Variants in STK33 observed in about 807,000 individuals in gnomAD.
The protein encoded by STK33 is serine/threonine-protein kinase 33.
STK33 carries 52 observed loss-of-function variants against 58.0 expected under a neutral mutation model. The observed-to-expected ratio is 0.90, with a 90% confidence interval of 0.72 to 1.13. The LOEUF (loss-of-function observed/expected upper bound fraction) is 1.13. Ranked by LOEUF, STK33 falls within the 50% of genes most tolerant of loss-of-function variation. STK33 has a pLI of 0.00. For synonymous variants in STK33, 215 were observed against 200.1 expected (o/e 1.07, Z -0.63); for missense variants, 630 against 604.2 (o/e 1.04, Z -0.45).
At chr11:8,437,376 G>C (rs1028849769) in intron 12 of STK33, among the ~76,000 whole-genome samples, 1 of 152,142 alleles carries the variant, frequency 6.6e-6, no homozygotes, top group African/African-American at 2.4e-5. Flanking sequence ...ACAAATGTCA[G>C]CCATCCTCAT....
intron 14 of STK33, among the ~76,000 whole-genome samples, chr11:8,420,818 G>C (rs1941806785): frequency 6.6e-6 from 1 of 152,010 alleles, no homozygotes; most frequent in Non-Finnish European, 1.5e-5. Context: ...GCAACATAGG[G>C]ATACCCCTAC....
chr11:8,509,356 A>G (rs533003239), intron 1 of STK33, among the ~76,000 whole-genome samples: 2 of 152,292 alleles, frequency 1.3e-5, no homozygotes, highest in Admixed American at 6.5e-5. Context: ...AAAATTCCCA[A>G]TGAAATCAGC....
intron 11 of STK33, among the ~76,000 whole-genome samples, chr11:8,443,264 C>T (rs1308181290): frequency 1.3e-5 from 2 of 152,104 alleles, no homozygotes; most frequent in African/African-American, 4.8e-5. Context: ...ATTTAATAAG[C>T]ACACACAGAA....
the STK33 span, among the ~76,000 whole-genome samples, chr11:8,364,939 C>G: frequency 2.0e-5 from 3 of 151,358 alleles, no homozygotes; most frequent in Non-Finnish European, 4.4e-5. Context: ...ACCCCCCCCG[C>G]CCCGCCCAAG....
intron 7 of STK33, among the ~76,000 whole-genome samples, chr11:8,464,026 T>C (rs1286046153): frequency 1.3e-5 from 2 of 152,242 alleles, no homozygotes; most frequent in African/African-American, 4.8e-5. Context: ...CCATTTTGTT[T>C]TTTAAATGTG....
At chr11:8,572,216 T>A (rs1223483096) in intron 1 of STK33, among the ~76,000 whole-genome samples, 1 of 151,980 alleles carries the variant, frequency 6.6e-6, no homozygotes, top group African/African-American at 2.4e-5. Flanking sequence ...AGGAAAGATA[T>A]CTTAATACAC....
At chr11:8,462,299 A>G (rs1001646121) in intron 7 of STK33, among the ~76,000 whole-genome samples, 1 of 151,922 alleles carries the variant, frequency 6.6e-6, no homozygotes, top group Non-Finnish European at 1.5e-5. Context: ...GCATAATAAA[A>G]ACAAAATCTA....
chr11:8,506,617 C>CA (rs34867421), intron 1 of STK33, among the ~76,000 whole-genome samples: 35,142 of 151,694 alleles, frequency 0.23, 4,364 homozygotes, highest in Middle Eastern at 0.31. Flanking sequence ...GATAATCCAG[C>CA]AAAAAAATCC....
At chr11:8,482,010 A>G (rs1489472540) in intron 1 of STK33, among the ~76,000 whole-genome samples, 1 of 152,210 alleles carries the variant, frequency 6.6e-6, no homozygotes, top group Non-Finnish European at 1.5e-5. Context: ...CGTGTAAATC[A>G]TAGCTAAGAC....
the STK33 span, among the ~76,000 whole-genome samples, chr11:8,384,199 A>ATC: frequency 0.36 from 54,196 of 152,058 alleles, 10,111 homozygotes; most frequent in East Asian, 0.57. Context: ...TTTAGTATTA[A>ATC]TCTGTTTTAT....
the STK33 span, among the ~76,000 whole-genome samples, chr11:8,364,371 A>G: frequency 6.6e-6 from 1 of 152,314 alleles, no homozygotes; most frequent in Admixed American, 6.5e-5. Context: ...CTGAAGTGTC[A>G]TGTGGGTTTC....
intron 1 of STK33, among the ~76,000 whole-genome samples, chr11:8,573,957 CAG>C (rs1450269968): frequency 6.6e-6 from 1 of 152,108 alleles, no homozygotes; most frequent in Non-Finnish European, 1.5e-5. Flanking sequence ...AAGGGAGACT[CAG>C]GGTGATGATG....
chr11:8,350,537 G>A, the STK33 span, among the ~76,000 whole-genome samples: 1 of 152,158 alleles, frequency 6.6e-6, no homozygotes, highest in African/African-American at 2.4e-5. Context: ...TTCCCGTGCA[G>A]GGACTTTGGT....
At chr11:8,491,460 A>G (rs1180473614) in intron 1 of STK33, among the ~76,000 whole-genome samples, 2 of 152,230 alleles carry the variant, frequency 1.3e-5, no homozygotes, top group African/African-American at 4.8e-5. Context: ...GACCAAATCT[A>G]CGTTTGATTG....
chr11:8,427,240 T>C (rs1942882347), intron 14 of STK33, among the ~76,000 whole-genome samples: 1 of 152,208 alleles, frequency 6.6e-6, no homozygotes, highest in South Asian at 2.1e-4. Flanking sequence ...TGAATAGATA[T>C]AACATTTTAA....
chr11:8,528,446 C>A (rs1302717168), intron 1 of STK33, among the ~76,000 whole-genome samples: 1 of 152,198 alleles, frequency 6.6e-6, no homozygotes, highest in South Asian at 2.1e-4. Context: ...TGTTTTCCCA[C>A]TGGTAACTGC....
chr11:8,347,031 T>C, the STK33 span, among the ~76,000 whole-genome samples: 123 of 152,378 alleles, frequency 8.1e-4, no homozygotes, highest in East Asian at 0.017. Context: ...AGCTTACTAA[T>C]TAAAGATAGC....
At chr11:8,494,440 AAGG>A (rs1950887755) in intron 1 of STK33, among the ~76,000 whole-genome samples, 1 of 152,212 alleles carries the variant, frequency 6.6e-6, no homozygotes, top group South Asian at 2.1e-4. Flanking sequence ...CAACGAAATA[AAGG>A]AGGACACAAA....
intron 8 of STK33, among the ~76,000 whole-genome samples, chr11:8,459,851 A>G (rs1947305122): frequency 6.6e-6 from 1 of 152,178 alleles, no homozygotes; most frequent in African/African-American, 2.4e-5. Flanking sequence ...GAATCAACAC[A>G]TGTGTATGAG....
Sources: allele counts gnomAD v4.1 joint callset (sites outside exome capture counted in the v4.1 genomes callset), GRCh38; gene constraint gnomAD v4.1.1; transcripts MANE v1.5; gene names NCBI Gene and HGNC (gene_info 2026-07-23, HGNC 2026-07-21).